TNS3: variants seen among roughly 807,000 people sequenced by gnomAD.
The protein encoded by TNS3 is tensin 3.
In TNS3, 45 loss-of-function variants were observed where a neutral mutation model predicts 140.9. The observed-to-expected ratio is 0.32, with a 90% CI of 0.25 to 0.41. The LOEUF (loss-of-function observed/expected upper bound fraction) is 0.41, where lower values mean the gene tolerates loss of function less well. Among genes scored for constraint, TNS3 ranks in the 10% least tolerant of loss-of-function variants. TNS3 has a pLI of 1.00. For synonymous variants in TNS3, 815 were observed against 788.4 expected, an observed-to-expected ratio of 1.03 and a Z score of -0.56; for missense variants, 1,716 against 1,906.7, an observed-to-expected ratio of 0.90 and a Z score of 1.86.
At chr7:47,472,115 G>T (rs550773536) in intron 4 of TNS3, among the ~76,000 whole-genome samples, 47 of 152,308 alleles carry the variant, frequency 3.1e-4, no homozygotes, top group African/African-American at 1.1e-3. Flanking sequence ...CTCTGCCTCT[G>T]TCATCACCTG....
intron 1 of TNS3, among the ~76,000 whole-genome samples, chr7:47,565,904 T>G (rs1425416651): frequency 1.3e-5 from 2 of 152,152 alleles, no homozygotes; most frequent in Non-Finnish European, 2.9e-5. Context: ...ACACGGGCGC[T>G]GGGAGGCTTT....
chr7:47,524,108 G>A (rs918279742), intron 2 of TNS3, among the ~76,000 whole-genome samples: 10 of 152,188 alleles, frequency 6.6e-5, no homozygotes, highest in African/African-American at 1.9e-4. Flanking sequence ...TCTGAGAGGC[G>A]GCACATCCAG....
chr7:47,312,431 C>T (rs1045923581), intron 20 of TNS3, among the ~76,000 whole-genome samples: 2 of 151,904 alleles, frequency 1.3e-5, no homozygotes, highest in African/African-American at 2.4e-5. Flanking sequence ...GGGCTGGGTG[C>T]GGCGGGTCAT....
chr7:47,417,786 A>C (rs1794163962), intron 10 of TNS3, among the ~76,000 whole-genome samples: 2 of 152,254 alleles, frequency 1.3e-5, no homozygotes, highest in African/African-American at 4.8e-5. Flanking sequence ...ATATTGTTCA[A>C]AATCCCAAAT....
rs1793521731 is a variant in TNS3 at position 47,407,622 on chromosome 7, T to A, written c.723+4105A>T. ...CTGAATGGTGTCCTTCCAAAATCCATAAGTTGAAGGTCTCAGCACTTCAGC... is the reference window on the plus strand; with the variant it reads ...CTGAATGGTGTCCTTCCAAAATCCAAAAGTTGAAGGTCTCAGCACTTCAGC... On this transcript the variant is annotated intron_variant, in intron 13 of 30. Transcript: ENST00000311160. This position sits in a 1 kb window ranked among gnomAD's most constrained non-coding sequence, Gnocchi z 4.1. 1.3e-5 allele frequency among the ~76,000 whole-genome samples: 2 copies of A among 152,144 alleles called. No homozygotes were observed. The highest frequency in any genetic ancestry group is 2.9e-5 in the Non-Finnish European group (2 of 68,018).
At chr7:47,380,051 C>A (rs1320336479) in intron 16 of TNS3, among the ~76,000 whole-genome samples, 1 of 152,252 alleles carries the variant, frequency 6.6e-6, no homozygotes. Context: ...AGAGCAGGAG[C>A]GACTCAGGAG....
rs1562646809 is a variant in TNS3, at chr7:47,368,772, G to C, written c.1874C>G (p.Ala625Gly). 1.3e-6 allele frequency: 2 copies of C among 1,596,092 alleles called. No homozygotes were observed. The highest frequency in any genetic ancestry group is 1.7e-5 in the Admixed American group (1 of 59,230). The change falls in exon 17 of 31, where the codon GCC (alanine) becomes GGC (glycine). Residue 625 changes from alanine to glycine, a missense_variant. This residue lies in a region of TNS3 where 1,163 missense variants were observed against 1,182.1 expected (regional missense o/e 0.98). Transcript: ENST00000311160. Reference sequence around the variant, plus strand: ...GGGGGTGAGTGGCACTCTGGGCTGGGCCTGGACGAGGCCAGGATTGTCTGC... The same window carrying C: ...GGGGGTGAGTGGCACTCTGGGCTGGCCCTGGACGAGGCCAGGATTGTCTGC... ...CPADNPGLVQ[A>G]QPRVPLTPTR...
At chr7:47,389,103 C>A (rs112820969) in intron 16 of TNS3, among the ~76,000 whole-genome samples, 5,569 of 16,204 alleles carry the variant, frequency 0.34, 2,069 homozygotes, top group South Asian at 0.67. Context: ...GAAGAGGAAG[C>A]GGAAGCAGAA....
intron 20 of TNS3, among the ~76,000 whole-genome samples, chr7:47,318,798 G>A (rs887993666): frequency 2.0e-5 from 3 of 152,192 alleles, no homozygotes; most frequent in African/African-American, 7.2e-5. Context: ...AAAGCTTCAG[G>A]CAGCTCAAGA....
chr7:47,375,070 T>A (rs1157482939), intron 16 of TNS3, among the ~76,000 whole-genome samples: 1 of 152,242 alleles, frequency 6.6e-6, no homozygotes, highest in Non-Finnish European at 1.5e-5. Context: ...TTAAATAACA[T>A]ATTTTAACAT....
At chr7:47,461,368 A>T (rs1796482418) in intron 4 of TNS3, among the ~76,000 whole-genome samples, 1 of 152,202 alleles carries the variant, frequency 6.6e-6, no homozygotes, top group African/African-American at 2.4e-5. Flanking sequence ...TGTTCGTTCC[A>T]TGAGACAATA....
rs1366464834 is a variant in TNS3, at chr7:47,303,432, T to C, written c.2975A>G (p.Glu992Gly). 1 of 1,613,550 alleles carries C rather than the reference T, an allele frequency of 6.2e-7. No homozygotes were observed. The highest frequency in any genetic ancestry group is 1.1e-5 in the South Asian group (1 of 91,084). ...SPVLSCFPPS[E>G]LQAPFHSHEL... Reference sequence around the variant, plus strand: ...ATGGCTGTGGAAAGGAGCCTGGAGCTCTGACGGCGGGAAGCAGGACAGCAC... The same window carrying C: ...ATGGCTGTGGAAAGGAGCCTGGAGCCCTGACGGCGGGAAGCAGGACAGCAC... The change falls in exon 22 of 31, where the codon GAG becomes GGG. Residue 992 changes from glutamate (E) to glycine (G), a missense_variant. By Grantham distance (98) the Glu-to-Gly change is moderately conservative. This residue lies in a region of TNS3 where 1,163 missense variants were observed against 1,182.1 expected (regional missense o/e 0.98). Transcript: ENST00000311160.
chr7:47,303,211 G>A lies in TNS3; in HGVS notation c.3196C>T (p.Leu1066=), dbSNP rs1283460968. 4 of 1,613,686 alleles carry A rather than the reference G, an allele frequency of 2.5e-6. No homozygotes were observed. The East Asian group carries it at 8.9e-5, about 36-fold the overall frequency. The change falls in exon 22 of 31, where the codon CTG becomes TTG. Residue 1066 remains leucine, a synonymous_variant. Transcript: ENST00000311160. ...TATGAADNGF[L]SHNFLTVAPG... ...GCCACCGTGAGAAAGTTGTGGGACA[G>A]GAAGCCATTGTCGGCAGCCCCTGTC...
At chr7:47,543,369 G>A (rs531291903) in intron 1 of TNS3, among the ~76,000 whole-genome samples, 7 of 152,178 alleles carry the variant, frequency 4.6e-5, no homozygotes, top group South Asian at 2.1e-4. Context: ...GAGGACTTTC[G>A]GTACGTCAAG....
At chr7:47,304,794 G>C (rs756200609) in intron 21 of TNS3, 38 bp downstream of exon 21, 1 of 1,343,158 alleles carries the variant, frequency 7.4e-7, no homozygotes, top group Non-Finnish European at 9.6e-7. Context: ...GGGTCTTTAA[G>C]GGGAACTTGT....
At chr7:47,313,189 G>A (rs62446267) in intron 20 of TNS3, among the ~76,000 whole-genome samples, 3,477 of 152,268 alleles carry the variant, frequency 0.023, 63 homozygotes, top group Non-Finnish European at 0.041. Context: ...GGAAGGATGG[G>A]TGGCATGCAT....
chr7:47,571,588 C>T lies in TNS3; in HGVS notation c.-265+10463G>A, dbSNP rs571750758. Among the ~76,000 whole-genome samples, 7 of 152,378 alleles carry T rather than the reference C, an allele frequency of 4.6e-5. 1 individual carries two copies. In the South Asian group the frequency reaches 1.2e-3, roughly 27 times the overall value. ...AGGAGAGGCAGTACCTCCAGAGGGT[C>T]AAGGGGACTCCAGACAATAGCGATC... is the stretch of plus-strand genomic sequence containing the variant. On this transcript the variant is annotated intron_variant, in intron 1 of 30. Transcript: ENST00000311160.
At chr7:47,467,396 C>T (rs2964944) in intron 4 of TNS3, among the ~76,000 whole-genome samples, 41,906 of 152,144 alleles carry the variant, frequency 0.28, 6,058 homozygotes, top group Middle Eastern at 0.31. Context: ...ACAAGGTTTC[C>T]GGCAGGGACT....
At chr7:47,302,138 C>A (rs549825786) in intron 23 of TNS3, 48 bp downstream of exon 23, 3 of 1,491,016 alleles carry the variant, frequency 2.0e-6, no homozygotes, top group Non-Finnish European at 2.8e-6. Flanking sequence ...GGCAGCGAAG[C>A]GGGCACTAGG....
Sources: gnomAD v4.1 joint callset for allele counts (sites outside exome capture counted in the v4.1 genomes callset) on GRCh38, gnomAD v4.1.1 for gene constraint, gnomAD v4.1.1 regional missense constraint, Gnocchi (gnomAD v3.1) non-coding constraint, MANE v1.5 for transcripts, NCBI Gene and HGNC (gene_info 2026-07-23, HGNC 2026-07-21) for gene names.